Variants in C6 observed in about 807,000 individuals in gnomAD.
C6 encodes the protein complement component C6.
C6 carries 101 observed loss-of-function variants against 112.9 expected under a neutral mutation model. The ratio of observed to expected loss-of-function variants is 0.89; its 90% CI spans 0.76 to 1.06. The LOEUF is 1.06. C6 is among the 50% of genes least tolerant of loss of function. The probability of loss-of-function intolerance (pLI) is 0.00; values close to 1 mark genes in which losing one functional copy is unlikely to be tolerated. For synonymous variants in C6, 431 were observed against 384.1 expected, an observed-to-expected ratio of 1.12 and a Z score of -1.43; for missense variants, 1,202 against 1,104.6, an observed-to-expected ratio of 1.09 and a Z score of -1.25.
upstream of C6, chr5:41,213,600 A>G (rs374962105): frequency 1.0e-5 from 10 of 971,776 alleles, no homozygotes; most frequent in African/African-American, 1.4e-4. Context: ...GATTACACCA[A>G]TCAGTAGTAA....
chr5:41,251,585 A>G (rs1388988283), intron 1 of C6, among the ~76,000 whole-genome samples: 1 of 152,234 alleles, frequency 6.6e-6, no homozygotes, highest in Non-Finnish European at 1.5e-5. Context: ...TCTTAGGTCA[A>G]GGACCTAGGT....
chr5:41,240,615 C>T (rs942130789), intron 1 of C6, among the ~76,000 whole-genome samples: 1 of 152,288 alleles, frequency 6.6e-6, no homozygotes, highest in Middle Eastern at 3.4e-3. Flanking sequence ...GCTGACCCAT[C>T]TTCAGGCCCC....
At chr5:41,231,014 C>A (rs1415688114) in intron 1 of C6, among the ~76,000 whole-genome samples, 2 of 152,082 alleles carry the variant, frequency 1.3e-5, no homozygotes, top group Non-Finnish European at 2.9e-5. Flanking sequence ...GCCATTCCTG[C>A]TCTCTTTTGT....
At chr5:41,143,387 C>T (rs555450415) in intron 17 of C6, among the ~76,000 whole-genome samples, 4 of 152,288 alleles carry the variant, frequency 2.6e-5, no homozygotes, top group Admixed American at 2.6e-4. Context: ...TCACTGCCTA[C>T]ATTCAATCAG....
intron 1 of C6, among the ~76,000 whole-genome samples, chr5:41,244,298 G>A (rs1033293686): frequency 9.2e-5 from 14 of 152,118 alleles, no homozygotes; most frequent in African/African-American, 3.4e-4. Flanking sequence ...TTTTTATGGT[G>A]TTTAGTAGTT....
chr5:41,211,182 A>G (rs1362720127), intron 1 of C6, among the ~76,000 whole-genome samples: 1 of 152,148 alleles, frequency 6.6e-6, no homozygotes, highest in Non-Finnish European at 1.5e-5. Context: ...GTGGGAATTG[A>G]ACAATGAGAA....
upstream of C6, among the ~76,000 whole-genome samples, chr5:41,215,712 G>T (rs1435674995): frequency 6.6e-6 from 1 of 152,102 alleles, no homozygotes; most frequent in Non-Finnish European, 1.5e-5. Context: ...CCAGGACATG[G>T]AGAGTTAAGA....
At chr5:41,253,228 A>G (rs1284150663) in intron 1 of C6, among the ~76,000 whole-genome samples, 1 of 152,188 alleles carries the variant, frequency 6.6e-6, no homozygotes, top group Non-Finnish European at 1.5e-5. Flanking sequence ...GAATATAAAC[A>G]TCTCCAACCT....
At chr5:41,144,976 A>T (rs1745681399) in intron 17 of C6, among the ~76,000 whole-genome samples, 1 of 152,138 alleles carries the variant, frequency 6.6e-6, no homozygotes, top group East Asian at 1.9e-4. Flanking sequence ...TTCTTTATGC[A>T]GTTTATTGTT....
At chr5:41,184,713 T>G (rs1005295260) in intron 6 of C6, among the ~76,000 whole-genome samples, 4 of 152,102 alleles carry the variant, frequency 2.6e-5, no homozygotes, top group African/African-American at 9.7e-5. Flanking sequence ...ACCCAAGTGA[T>G]CTGCACCCCC....
chr5:41,165,476 A>G (rs935769364), intron 9 of C6, among the ~76,000 whole-genome samples: 1 of 152,028 alleles, frequency 6.6e-6, no homozygotes, highest in Admixed American at 6.6e-5. Flanking sequence ...ATGAGGTGGT[A>G]TTTTATGGTT....
chr5:41,213,432 A>C lies in C6; in HGVS notation c.-77T>G. ...TAAGCTGCAAATTATTGGGGAAAAAATAGGTATGCAGAATGAAGAGGGTAT... is the reference window on the plus strand; with the variant it reads ...TAAGCTGCAAATTATTGGGGAAAAACTAGGTATGCAGAATGAAGAGGGTAT... On this transcript the variant is annotated 5_prime_UTR_variant, in exon 1 of 18. Coordinates refer to ENST00000337836, the MANE Select transcript of C6 (RefSeq NM_000065.5). 2 of 985,390 alleles carry C rather than the reference A, an allele frequency of 2.0e-6. No homozygotes were observed. Among genetic ancestry groups the C allele is most frequent in the Non-Finnish European group, 2.4e-6 (2 of 829,910 alleles). The allele number at this position is 985,390 out of a possible 1,614,324, so 61.0% of individuals were successfully genotyped here.
chr5:41,213,747 G>A (rs896359111), upstream of C6, among the ~76,000 whole-genome samples: 1 of 152,068 alleles, frequency 6.6e-6, no homozygotes, highest in Admixed American at 6.6e-5. Flanking sequence ...TAGATTAATT[G>A]CTTAAAATTG....
At chr5:41,191,613 G>A (rs1460545297) in intron 5 of C6, among the ~76,000 whole-genome samples, 1 of 151,976 alleles carries the variant, frequency 6.6e-6, no homozygotes, top group Non-Finnish European at 1.5e-5. Flanking sequence ...AGTTTTCCTT[G>A]CAGAGATCTT....
At chr5:41,228,383 A>G (rs1274830731) in intron 1 of C6, among the ~76,000 whole-genome samples, 1 of 152,110 alleles carries the variant, frequency 6.6e-6, no homozygotes, top group Non-Finnish European at 1.5e-5. Context: ...GGTTTTCTAC[A>G]TATAAGATTG....
At chr5:41,187,851 A>T (rs1406363299) in intron 5 of C6, among the ~76,000 whole-genome samples, 1 of 152,110 alleles carries the variant, frequency 6.6e-6, no homozygotes, top group African/African-American at 2.4e-5. Flanking sequence ...AACAATACAT[A>T]CTATCTCTCC....
At chr5:41,143,353 C>G (rs1420882847) in intron 17 of C6, among the ~76,000 whole-genome samples, 1 of 152,164 alleles carries the variant, frequency 6.6e-6, no homozygotes, top group African/African-American at 2.4e-5. Flanking sequence ...AGGATTTGCA[C>G]TATCTCTGGC....
At chr5:41,149,614 G>A (rs537182780) in intron 16 of C6, 132 bp from the exon 17 acceptor site, 2 of 1,135,900 alleles carry the variant, frequency 1.8e-6, no homozygotes, top group South Asian at 2.5e-5. Context: ...TCCAAGCCCT[G>A]GGCTTGAGTG....
chr5:41,223,224 G>C (rs1378634257), intron 1 of C6, among the ~76,000 whole-genome samples: 1 of 152,098 alleles, frequency 6.6e-6, no homozygotes, highest in African/African-American at 2.4e-5. Context: ...ATATGTCAGG[G>C]GAGGCAGGAA....
Sources: allele counts gnomAD v4.1 joint callset (sites outside exome capture counted in the v4.1 genomes callset), GRCh38; gene constraint gnomAD v4.1.1; transcripts MANE v1.5; gene names NCBI Gene and HGNC (gene_info 2026-07-23, HGNC 2026-07-21).